Variants in FERMT2 observed in about 807,000 individuals in gnomAD.
FERMT2 encodes fermitin family homolog 2.
Under a neutral mutation model 82.7 loss-of-function variants are expected in FERMT2, and 15 were observed. That is an observed-to-expected ratio of 0.18 (90% CI 0.12 to 0.28). FERMT2 has a LOEUF of 0.28. Ranked by LOEUF, FERMT2 falls within the 10% of genes least tolerant of loss-of-function variation. The pLI is 1.00. For missense variants in FERMT2, 645 were observed against 809.4 expected, an observed-to-expected ratio of 0.80 and a Z score of 2.46; for synonymous variants, 274 against 271.5, an observed-to-expected ratio of 1.01 and a Z score of -0.09.
intron 10 of FERMT2, among the ~76,000 whole-genome samples, 190 bp from the exon 11 acceptor site, chr14:52,865,043 C>T (rs1885185040): frequency 6.6e-6 from 1 of 152,130 alleles, no homozygotes; most frequent in African/African-American, 2.4e-5. Context: ...TGTATTCAGG[C>T]CAGGTGTGGT....
intron 2 of FERMT2, among the ~76,000 whole-genome samples, chr14:52,925,580 C>T (rs1263560003): frequency 7.1e-6 from 1 of 140,826 alleles, no homozygotes; most frequent in Non-Finnish European, 1.5e-5. Flanking sequence ...AAAAAAAAAG[C>T]ACTTAACTGC....
intron 11 of FERMT2, 29 bp downstream of exon 11, chr14:52,864,718 T>G: frequency 6.3e-7 from 1 of 1,584,914 alleles, no homozygotes; most frequent in Non-Finnish European, 8.7e-7. Flanking sequence ...TTAAGAAAAT[T>G]GAAGTGTATT....
intron 2 of FERMT2, among the ~76,000 whole-genome samples, chr14:52,944,754 G>A (rs1890250401): frequency 6.6e-6 from 1 of 152,104 alleles, no homozygotes; most frequent in Admixed American, 6.5e-5. Flanking sequence ...GGTCACATGT[G>A]CTAAGTTCAC....
intron 3 of FERMT2, among the ~76,000 whole-genome samples, chr14:52,894,990 T>A (rs1205502731): frequency 6.6e-6 from 1 of 151,504 alleles, no homozygotes; most frequent in Non-Finnish European, 1.5e-5. Flanking sequence ...AGCACACATA[T>A]CTGACAAAAG....
At chr14:52,873,879 GC>G (rs1474815482) in intron 9 of FERMT2, among the ~76,000 whole-genome samples, 1 of 152,028 alleles carries the variant, frequency 6.6e-6, no homozygotes, top group East Asian at 1.9e-4. Context: ...TCCAACTGAG[GC>G]CCGGAGGGGC....
At chr14:52,930,441 T>C (rs1013969142) in intron 2 of FERMT2, among the ~76,000 whole-genome samples, 1 of 152,148 alleles carries the variant, frequency 6.6e-6, no homozygotes, top group African/African-American at 2.4e-5. Context: ...ACCAACTGTA[T>C]CATAAAGCCT....
intron 4 of FERMT2, among the ~76,000 whole-genome samples, chr14:52,882,154 A>G (rs1886336229): frequency 1.3e-5 from 2 of 152,330 alleles, no homozygotes; most frequent in African/African-American, 4.8e-5. Context: ...ATTCATATAG[A>G]TTAAGAATAA....
At chr14:52,902,901 A>G (rs973162039) in intron 3 of FERMT2, among the ~76,000 whole-genome samples, 1 of 124,636 alleles carries the variant, frequency 8.0e-6, no homozygotes, top group South Asian at 2.5e-4. Flanking sequence ...ACCCCAAAAC[A>G]CTGAAAATTA....
intron 10 of FERMT2, among the ~76,000 whole-genome samples, chr14:52,870,264 T>C (rs1198710741): frequency 6.6e-6 from 1 of 151,912 alleles, no homozygotes; most frequent in East Asian, 1.9e-4. Context: ...TTTTTTTTTT[T>C]TGGAGACGGA....
At chr14:52,898,444 AGGTAG>A (rs1434393545) in intron 3 of FERMT2, among the ~76,000 whole-genome samples, 2 of 152,186 alleles carry the variant, frequency 1.3e-5, no homozygotes, top group Non-Finnish European at 2.9e-5. Context: ...TACTATAATT[AGGTAG>A]GTTCAGAAAC....
At chr14:52,932,491 G>T (rs752314100) in intron 2 of FERMT2, among the ~76,000 whole-genome samples, 2 of 152,242 alleles carry the variant, frequency 1.3e-5, no homozygotes, top group South Asian at 4.1e-4. Context: ...ACTCAAAGAG[G>T]TTATGGTTAG....
intron 2 of FERMT2, among the ~76,000 whole-genome samples, chr14:52,926,304 G>C (rs914170108): frequency 6.6e-6 from 1 of 151,930 alleles, no homozygotes; most frequent in African/African-American, 2.4e-5. Context: ...TTCCATACAG[G>C]AACTCCCTTA....
intron 2 of FERMT2, among the ~76,000 whole-genome samples, chr14:52,936,706 CCTGG>C (rs1889852051): frequency 6.6e-6 from 1 of 152,064 alleles, no homozygotes; most frequent in Non-Finnish European, 1.5e-5. Context: ...CCATTTTTTG[CCTGG>C]CTAATTCCTA....
chr14:52,909,953 T>G (rs1888221604), intron 3 of FERMT2, among the ~76,000 whole-genome samples: 1 of 152,138 alleles, frequency 6.6e-6, no homozygotes, highest in South Asian at 2.1e-4. Context: ...CTCGGGAGGC[T>G]GAGGCAGGAG....
intron 10 of FERMT2, among the ~76,000 whole-genome samples, chr14:52,871,297 A>C (rs1451282600): frequency 6.6e-6 from 1 of 152,134 alleles, no homozygotes; most frequent in Non-Finnish European, 1.5e-5. Context: ...GGGAAGATAC[A>C]GTGAGAGGAC....
At chr14:52,930,766 G>T (rs1007023588) in intron 2 of FERMT2, among the ~76,000 whole-genome samples, 9 of 152,106 alleles carry the variant, frequency 5.9e-5, no homozygotes, top group African/African-American at 1.9e-4. Flanking sequence ...AAACTCTTCT[G>T]ATGTTTCTAC....
intron 3 of FERMT2, among the ~76,000 whole-genome samples, chr14:52,918,876 T>TA (rs1364661710): frequency 6.6e-6 from 1 of 152,136 alleles, no homozygotes; most frequent in Non-Finnish European, 1.5e-5. Flanking sequence ...AACCTCTCCA[T>TA]AAAAATAAAG....
chr14:52,884,603 A>G (rs1407450551), intron 4 of FERMT2, among the ~76,000 whole-genome samples: 2 of 152,048 alleles, frequency 1.3e-5, no homozygotes, highest in Non-Finnish European at 2.9e-5. Context: ...CTCCGTCTCA[A>G]AAACAACAAA....
At chr14:52,889,936 C>G (rs749455415) in intron 4 of FERMT2, among the ~76,000 whole-genome samples, 7 of 152,094 alleles carry the variant, frequency 4.6e-5, no homozygotes, top group Non-Finnish European at 7.4e-5. Flanking sequence ...CAAGACCAGT[C>G]TGGCCAACAT....
Sources: allele counts gnomAD v4.1 joint callset (sites outside exome capture counted in the v4.1 genomes callset), GRCh38; gene constraint gnomAD v4.1.1; transcripts MANE v1.5; gene names NCBI Gene and HGNC (gene_info 2026-07-23, HGNC 2026-07-21).